The following FAM114A1 variants were observed in gnomAD, a reference collection of about 807,000 sequenced individuals.
FAM114A1 encodes protein NOXP20.
Under a neutral mutation model 64.3 loss-of-function variants are expected in FAM114A1, and 62 were observed. The ratio of observed to expected loss-of-function variants is 0.96; its 90% CI spans 0.79 to 1.19. The LOEUF is 1.19. Ranked by LOEUF, FAM114A1 falls within the 50% of genes most tolerant of loss-of-function variation. The probability of loss-of-function intolerance (pLI) is 0.00; values close to 1 mark genes in which losing one functional copy is unlikely to be tolerated. For synonymous variants in FAM114A1, 254 were observed against 251.1 expected (o/e 1.01, Z -0.11); for missense variants, 645 against 676.3 (o/e 0.95, Z 0.51).
chr4:38,939,886 CTTTTTTT>C (rs545845095), intron 13 of FAM114A1, among the ~76,000 whole-genome samples: 2 of 131,666 alleles, frequency 1.5e-5, no homozygotes, highest in South Asian at 4.8e-4. Context: ...CACTTTCTTT[CTTTTTTT>C]TTTTTTTTTT....
At chr4:38,869,503 A>G (rs1713802729) in intron 2 of FAM114A1, among the ~76,000 whole-genome samples, 1 of 152,214 alleles carries the variant, frequency 6.6e-6, no homozygotes, top group African/African-American at 2.4e-5. Context: ...GAGCTGGATT[A>G]TGATGGGAAG....
intron 4 of FAM114A1, among the ~76,000 whole-genome samples, chr4:38,899,034 T>C (rs1429201718): frequency 8.9e-6 from 1 of 112,400 alleles, no homozygotes; most frequent in African/African-American, 3.4e-5. Context: ...GTTATATATA[T>C]ATATATAGAC....
intron 3 of FAM114A1, among the ~76,000 whole-genome samples, chr4:38,886,927 C>CA (rs570020908): frequency 0.043 from 2,501 of 58,368 alleles, 59 homozygotes; most frequent in African/African-American, 0.098. Context: ...GACTCCGTCT[C>CA]AAAAAAAAAA....
intron 3 of FAM114A1, among the ~76,000 whole-genome samples, chr4:38,888,239 T>A (rs1200980769): frequency 6.6e-6 from 1 of 151,838 alleles, no homozygotes; most frequent in Non-Finnish European, 1.5e-5. Flanking sequence ...AACGTTGAAC[T>A]TGGGCCAGGT....
intron 3 of FAM114A1, among the ~76,000 whole-genome samples, chr4:38,888,257 C>CCCGT (rs1313419168): frequency 6.6e-6 from 1 of 151,778 alleles, no homozygotes; most frequent in Non-Finnish European, 1.5e-5. Flanking sequence ...GGTGCAGTCA[C>CCCGT]CCGTAATCCT....
chr4:38,891,641 G>A (rs1716403966), intron 3 of FAM114A1, 102 bp from the exon 4 acceptor site: 1 of 971,970 alleles, frequency 1.0e-6, no homozygotes, highest in East Asian at 2.6e-5. Flanking sequence ...ACGGTTGTTG[G>A]TGATTCTTTT....
chr4:38,922,700 G>T, intron 8 of FAM114A1, 70 bp from the exon 9 acceptor site: 1 of 1,531,370 alleles, frequency 6.5e-7, no homozygotes, highest in Middle Eastern at 1.8e-4. Flanking sequence ...GAAAACTGGG[G>T]ACCGCTGTGT....
rs1350126103 is a variant in FAM114A1, at chr4:38,878,053, T to C, written c.-8-18T>C. On this transcript the variant is annotated intron_variant, in intron 2 of 14. Coordinates refer to ENST00000358869, the MANE Select transcript of FAM114A1 (RefSeq NM_138389.4). ...ACAATTCGATGAAAGCATGAGGTGT[T>C]TATAATTGTGTTGACAGATACTAAA... 5.8e-6 allele frequency: 9 copies of C among 1,562,936 alleles called. No individual in the cohort carries two copies.
At chr4:38,907,241 C>A (rs368356228) in intron 6 of FAM114A1, among the ~76,000 whole-genome samples, 1 of 152,166 alleles carries the variant, frequency 6.6e-6, no homozygotes. Context: ...CAACCACCCC[C>A]GTGGGGGGTT....
At chr4:38,886,830 A>C (rs895938418) in intron 3 of FAM114A1, among the ~76,000 whole-genome samples, 1 of 151,354 alleles carries the variant, frequency 6.6e-6, no homozygotes, top group Admixed American at 6.6e-5. Context: ...CAGAAGGCTG[A>C]GGCAGGAGAA....
In FAM114A1 at chr4:38,931,443, C is replaced by G; in HGVS notation, c.1162-8C>G. On this transcript the variant is annotated splice_region_variant and splice_polypyrimidine_tract_variant and intron_variant, in intron 10 of 14. Coordinates refer to ENST00000358869, the MANE Select transcript of FAM114A1 (RefSeq NM_138389.4). ...ATAAAAGGATTGTTTGGTTGGGGAC[C>G]TCTGCAGGCCATGAAGAGGGCTCAT... is the stretch of plus-strand genomic sequence containing the variant. 1.3e-6 allele frequency: 2 copies of G among 1,597,082 alleles called. No individual in the cohort carries two copies. Among genetic ancestry groups the G allele is most frequent in the Non-Finnish European group, 1.7e-6 (2 of 1,174,836 alleles).
chr4:38,889,057 CTTA>C (rs1285618215), intron 3 of FAM114A1, among the ~76,000 whole-genome samples: 2 of 152,166 alleles, frequency 1.3e-5, no homozygotes, highest in South Asian at 2.1e-4. Flanking sequence ...GAAGTAGTCA[CTTA>C]TTATACAGCA....
chr4:38,904,787 T>C (rs1445449197), intron 4 of FAM114A1, among the ~76,000 whole-genome samples: 2 of 152,182 alleles, frequency 1.3e-5, no homozygotes, highest in Non-Finnish European at 2.9e-5. Context: ...AAAAAATGAA[T>C]GAAGAATATC....
At chr4:38,942,055 C>A (rs1721619853) in intron 14 of FAM114A1, among the ~76,000 whole-genome samples, 2 of 152,188 alleles carry the variant, frequency 1.3e-5, no homozygotes, top group African/African-American at 4.8e-5. Flanking sequence ...TGCAGAGAAA[C>A]TCCCTGTTAT....
intron 8 of FAM114A1, among the ~76,000 whole-genome samples, chr4:38,917,798 A>G (rs1046259389): frequency 6.6e-6 from 1 of 152,226 alleles, no homozygotes; most frequent in African/African-American, 2.4e-5. Flanking sequence ...GGAGGGGAAC[A>G]GTTTGCCCAT....
chr4:38,935,570 G>A lies in FAM114A1; in HGVS notation c.1464-148G>A, dbSNP rs565291176. ...TCATGGAAGATGATTAAGGAAAACC[G>A]CCTGACTGCACATTTCTGTAGAGCA... On this transcript the variant is annotated intron_variant, in intron 12 of 14. Transcript: ENST00000358869. The A allele has an allele frequency of 5.0e-5, 25 of 496,344 alleles. No homozygotes were observed. In the East Asian group the frequency reaches 7.4e-4, roughly 15 times the overall value. The allele number at this position is 496,344 out of a possible 1,614,324, so 30.7% of individuals were successfully genotyped here.
intron 2 of FAM114A1, 54 bp downstream of exon 2, chr4:38,868,600 TAAGTAGG>T (rs1713705876): frequency 6.6e-6 from 1 of 152,426 alleles, no homozygotes; most frequent in African/African-American, 2.4e-5. Context: ...TGCCTTTTCT[TAAGTAGG>T]AAGACATCTC....
chr4:38,924,891 T>C (rs928251234), intron 9 of FAM114A1, among the ~76,000 whole-genome samples: 5 of 152,198 alleles, frequency 3.3e-5, no homozygotes, highest in Admixed American at 6.5e-5. Flanking sequence ...CTTGGTCCTA[T>C]TAAGGGTGTC....
intron 4 of FAM114A1, among the ~76,000 whole-genome samples, chr4:38,904,150 G>A (rs905064797): frequency 2.0e-5 from 3 of 152,154 alleles, no homozygotes; most frequent in Admixed American, 1.3e-4. Flanking sequence ...GCAACCTGAG[G>A]TCACCCAGGT....
Sources: allele counts gnomAD v4.1 joint callset (sites outside exome capture counted in the v4.1 genomes callset), GRCh38; gene constraint gnomAD v4.1.1; transcripts MANE v1.5; gene names NCBI Gene and HGNC (gene_info 2026-07-23, HGNC 2026-07-21).